TKT: variants seen among roughly 807,000 people sequenced by gnomAD.
TKT encodes the protein epididymis luminal protein 107.
TKT carries 47 observed loss-of-function variants against 63.9 expected under a neutral mutation model. That is an observed-to-expected ratio of 0.74 (90% CI 0.58 to 0.94). The LOEUF (loss-of-function observed/expected upper bound fraction) is 0.94, where lower values mean the gene tolerates loss of function less well. Ranked by LOEUF, TKT falls within the 40% of genes least tolerant of loss-of-function variation. TKT has a pLI of 0.00. For synonymous variants in TKT, 338 were observed against 334.1 expected (o/e 1.01, Z -0.13); for missense variants, 721 against 846.2 (o/e 0.85, Z 1.84).
chr3:53,242,370 C>A, intron 1 of TKT, 128 bp from the exon 2 acceptor site: 1 of 871,314 alleles, frequency 1.1e-6, no homozygotes, highest in Non-Finnish European at 1.9e-6. Flanking sequence ...TATCAGACAG[C>A]CACGAGCTCT....
intron 6 of TKT, 88 bp from the exon 7 acceptor site, chr3:53,231,638 A>C (rs1575561910): frequency 5.1e-6 from 7 of 1,377,776 alleles, no homozygotes. Flanking sequence ...CTGGCCCTCT[A>C]CCTGCCGAGG....
At chr3:53,255,046 T>C (rs566791092) in intron 1 of TKT, among the ~76,000 whole-genome samples, 6 of 152,166 alleles carry the variant, frequency 3.9e-5, no homozygotes, top group Non-Finnish European at 7.3e-5. Flanking sequence ...CTCAGTCTCC[T>C]TGCCCTCCGC....
At chr3:53,229,894 G>A (rs1704668613) in intron 8 of TKT, among the ~76,000 whole-genome samples, 1 of 152,176 alleles carries the variant, frequency 6.6e-6, no homozygotes, top group African/African-American at 2.4e-5. Flanking sequence ...CCTGTCCCTA[G>A]GGGCCTGCAA....
intron 1 of TKT, among the ~76,000 whole-genome samples, chr3:53,250,474 T>A (rs1342678897): frequency 6.6e-6 from 1 of 152,114 alleles, no homozygotes; most frequent in African/African-American, 2.4e-5. Flanking sequence ...AAACCACCTA[T>A]CCATGAACCT....
intron 4 of TKT, among the ~76,000 whole-genome samples, chr3:53,239,176 G>C (rs35205801): frequency 0.3 from 45,972 of 151,744 alleles, 8,176 homozygotes; most frequent in Admixed American, 0.46. Context: ...TTACCTTCCA[G>C]CATGACTGTG....
Position 53,230,539 on chromosome 3 carries a change from G to A in TKT, c.1025C>T (p.Thr342Ile). Residue 342 changes from threonine to isoleucine, a missense_variant, in exon 8 of 14, where the codon ACC becomes ATC. Physicochemically the swap from Thr to Ile is moderately conservative, Grantham distance 89. Transcript: ENST00000462138. ...GATCTCCGAGAAGGTGGAATTTTTGGTGTCCCCATCCAGGGCGATGATGCG... is the reference window on the plus strand; with the variant it reads ...GATCTCCGAGAAGGTGGAATTTTTGATGTCCCCATCCAGGGCGATGATGCG... ...SDRIIALDGD[T>I]KNSTFSEIFK... The A allele has an allele frequency of 1.2e-6, 2 of 1,614,210 alleles. No homozygotes were observed. Among genetic ancestry groups the A allele is most frequent in the Non-Finnish European group, 1.7e-6 (2 of 1,180,030 alleles).
chr3:53,242,122 T>C lies in TKT; in HGVS notation c.225+3A>G, dbSNP rs782056252. On this transcript the variant is annotated splice_donor_region_variant and intron_variant, in intron 2 of 13. Coordinates refer to ENST00000462138, the MANE Select transcript of TKT (RefSeq NM_001064.4). ...GGCTGGCAGTGGGCAGCTGGGCTCTTACCTTGGAGAGCACAAAGCGGTCAT... is the reference window on the plus strand; with the variant it reads ...GGCTGGCAGTGGGCAGCTGGGCTCTCACCTTGGAGAGCACAAAGCGGTCAT... 6.6e-5 allele frequency: 106 copies of C among 1,613,662 alleles called. 1 individual carries two copies. The East Asian group carries it at 2.3e-3, about 36-fold the overall frequency.
intron 10 of TKT, chr3:53,228,802 A>C: frequency 1.4e-6 from 1 of 706,800 alleles, no homozygotes; most frequent in South Asian, 1.8e-5. Flanking sequence ...ACAGACTGGC[A>C]ATCAGTTGAC....
At chr3:53,228,697 C>T (rs1427719159) in intron 10 of TKT, 2 of 515,816 alleles carry the variant, frequency 3.9e-6, no homozygotes, top group Non-Finnish European at 7.0e-6. Context: ...CCACAGGGCT[C>T]AGCTCATCCT....
chr3:53,246,754 G>A (rs1447492049), intron 1 of TKT, among the ~76,000 whole-genome samples: 1 of 151,818 alleles, frequency 6.6e-6, no homozygotes, highest in Admixed American at 6.6e-5. Flanking sequence ...GGGAGGCTGA[G>A]ACAGGAGAAT....
chr3:53,230,832 T>G (rs1436678553), intron 7 of TKT, among the ~76,000 whole-genome samples: 3 of 140,202 alleles, frequency 2.1e-5, no homozygotes, highest in Non-Finnish European at 4.7e-5. Flanking sequence ...CCCTTCTGGC[T>G]GTGAAAGGTA....
At chr3:53,248,521 T>TA (rs1355465868) in intron 1 of TKT, among the ~76,000 whole-genome samples, 2 of 152,044 alleles carry the variant, frequency 1.3e-5, no homozygotes, top group African/African-American at 4.8e-5. Flanking sequence ...CCCAGCTACT[T>TA]AGGAGGCTGA....
intron 13 of TKT, 40 bp downstream of exon 13, chr3:53,226,716 C>T (rs893184755): frequency 3.7e-6 from 6 of 1,613,798 alleles, no homozygotes; most frequent in Non-Finnish European, 5.1e-6. Flanking sequence ...GCTCTCTGGC[C>T]CTGTCCCTTG....
At chr3:53,227,063 C>T (rs1363498363) in intron 12 of TKT, 185 bp from the exon 13 acceptor site, 1 of 676,418 alleles carries the variant, frequency 1.5e-6, no homozygotes, top group Non-Finnish European at 2.4e-6. Flanking sequence ...CTTGCCAACC[C>T]CTTGCACTGG....
At chr3:53,230,282 T>C (rs1320899816) in intron 8 of TKT, among the ~76,000 whole-genome samples, 175 bp downstream of exon 8, 5 of 152,324 alleles carry the variant, frequency 3.3e-5, no homozygotes, top group South Asian at 2.1e-4. Context: ...GGGCAGAACC[T>C]CCCAAACTGT....
intron 4 of TKT, 130 bp downstream of exon 4, chr3:53,240,121 G>A (rs1316499825): frequency 2.5e-6 from 2 of 792,442 alleles, no homozygotes; most frequent in African/African-American, 1.7e-5. Flanking sequence ...GAGCAAAAGA[G>A]GCCACGCATA....
chr3:53,228,882 C>T (rs1036610219), intron 10 of TKT, 125 bp downstream of exon 10: 13 of 1,380,348 alleles, frequency 9.4e-6, no homozygotes, highest in African/African-American at 2.9e-5. Flanking sequence ...ACAAGCTACA[C>T]GAACACCAGG....
Position 53,225,719 on chromosome 3 carries a change from G to C in TKT, c.*37C>G, listed in dbSNP as rs1704465564. The C allele has an allele frequency of 9.1e-6, 14 of 1,538,878 alleles. No individual in the cohort carries two copies. Among genetic ancestry groups the C allele is most frequent in the African/African-American group, 1.4e-5 (1 of 73,066 alleles). ...TTGAGCACCTTTCCCAGAATCTCAG[G>C]AATGTATAGACCCCCGCCCCACACT... On this transcript the variant is annotated 3_prime_UTR_variant, in exon 14 of 14. Coordinates refer to ENST00000462138, the MANE Select transcript of TKT (RefSeq NM_001064.4).
intron 13 of TKT, 79 bp from the exon 14 acceptor site, chr3:53,226,010 T>C: frequency 7.0e-7 from 1 of 1,433,056 alleles, no homozygotes; most frequent in Non-Finnish European, 9.5e-7. Flanking sequence ...TCAGCCTTAG[T>C]CAAGGATGGA....
Sources: allele counts gnomAD v4.1 joint callset (sites outside exome capture counted in the v4.1 genomes callset), GRCh38; gene constraint gnomAD v4.1.1; transcripts MANE v1.5; gene names NCBI Gene and HGNC (gene_info 2026-07-23, HGNC 2026-07-21).